THEM4: variants seen among roughly 807,000 people sequenced by gnomAD.
THEM4 encodes thioesterase superfamily member 4, also known as acyl-coenzyme A thioesterase THEM4.
In THEM4, 22 loss-of-function variants were observed where a neutral mutation model predicts 25.0. The ratio of observed to expected loss-of-function variants is 0.88; its 90% CI spans 0.63 to 1.26. THEM4 has a LOEUF of 1.26. Among genes scored for constraint, THEM4 ranks in the 50% most tolerant of loss-of-function variants. The pLI is 0.00. For missense variants in THEM4, 286 were observed against 300.3 expected (o/e 0.95, Z 0.35); for synonymous variants, 113 against 105.6 (o/e 1.07, Z -0.43).
intron 2 of THEM4, among the ~76,000 whole-genome samples, chr1:151,894,644 TTC>T (rs1442031164): frequency 6.6e-6 from 1 of 152,136 alleles, no homozygotes; most frequent in African/African-American, 2.4e-5. Context: ...AACCTGAGTG[TTC>T]TAAGCTTCTT....
rs939504183 is a variant in THEM4, at chr1:151,873,590, C to G, written c.*1298G>C. ...ATGTTGTGGTCCTAATCTCCAATAC[C>G]TCATAAGGTCACTTTATTTGGAAAT... On this transcript the variant is annotated 3_prime_UTR_variant, in exon 6 of 6. Coordinates refer to ENST00000368814, the MANE Select transcript of THEM4 (RefSeq NM_053055.5). 1 of 152,130 alleles carries G rather than the reference C, an allele frequency of 6.6e-6. No individual in the cohort carries two copies. The highest frequency in any genetic ancestry group is 2.4e-5 in the African/African-American group (1 of 41,416). The allele number at this position is 152,130 out of a possible 1,614,324, so 9.4% of individuals were successfully genotyped here. A position where few individuals can be genotyped will look rare whatever the true frequency, so the allele number is the denominator to read the frequency against.
intron 4 of THEM4, among the ~76,000 whole-genome samples, chr1:151,881,912 C>A (rs969386951): frequency 6.6e-6 from 1 of 152,118 alleles, no homozygotes; most frequent in Non-Finnish European, 1.5e-5. Context: ...CTTCAATTCT[C>A]TTTATTCTAT....
intron 1 of THEM4, 85 bp from the exon 2 acceptor site, chr1:151,895,279 T>G: frequency 1.7e-6 from 2 of 1,211,184 alleles, no homozygotes. Context: ...AAGATTATCT[T>G]GCTGCTTTTC....
At chr1:151,876,449 A>T (rs1572071338) in intron 5 of THEM4, among the ~76,000 whole-genome samples, 1 of 144,024 alleles carries the variant, frequency 6.9e-6, no homozygotes, top group East Asian at 2.0e-4. Flanking sequence ...CACTTTGTAA[A>T]TTTTTTTTTT....
intron 5 of THEM4, among the ~76,000 whole-genome samples, chr1:151,875,577 A>C (rs1225802737): frequency 6.6e-6 from 1 of 152,216 alleles, no homozygotes. Flanking sequence ...TCTATAAATC[A>C]GTAAGAAAAT....
chr1:151,909,232 T>C, intron 1 of THEM4, 128 bp downstream of exon 1: 1 of 711,628 alleles, frequency 1.4e-6, no homozygotes, highest in Non-Finnish European at 2.2e-6. Context: ...TGCTGCCCTG[T>C]GGTGCCCAGG....
intron 4 of THEM4, among the ~76,000 whole-genome samples, chr1:151,879,420 T>A (rs2101716498): frequency 6.6e-6 from 1 of 152,142 alleles, no homozygotes; most frequent in Non-Finnish European, 1.5e-5. Context: ...GTTCTTTTTT[T>A]TTTTTTAACC....
chr1:151,909,418 G>A lies in THEM4; in HGVS notation c.41C>T (p.Ala14Val), dbSNP rs755162848. Reference protein sequence around the residue: ...SCAARLRTLGALCLPPVGRRL... With the variant: ...SCAARLRTLGVLCLPPVGRRL... ...CCGGCCTACTGGCGGCAGGCACAGA[G>A]CCCCCAGCGTGCGGAGGCGCGCGGC... The change falls in exon 1 of 6, where the codon GCT (alanine) becomes GTT (valine). Residue 14 changes from alanine (A) to valine (V), a missense_variant. Ala to Val is a moderately conservative substitution (Grantham distance 64). Coordinates refer to ENST00000368814, the MANE Select transcript of THEM4 (RefSeq NM_053055.5). 2.0e-6 allele frequency: 3 copies of A among 1,486,038 alleles called. No homozygotes were observed. In the Admixed American group the frequency reaches 6.9e-5, roughly 34 times the overall value. 92.1% of individuals were successfully genotyped at this position (1,486,038 alleles called of 1,614,324 possible).
chr1:151,888,305 G>A lies in THEM4; in HGVS notation c.525C>T (p.Val175=), dbSNP rs1428361521. ...AATTGATGTTGAGATTGGCAGTCATGACGATTCCCCCAGCCATCATTGCAC... is the reference window on the plus strand; with the variant it reads ...AATTGATGTTGAGATTGGCAGTCATAACGATTCCCCCAGCCATCATTGCAC... ...GMCAMMAGGI[V]MTANLNINYK... is the part of the protein sequence containing the mutation. Residue 175 remains valine, a synonymous_variant, in exon 4 of 6, where the codon GTC becomes GTT. Coordinates refer to ENST00000368814, the MANE Select transcript of THEM4 (RefSeq NM_053055.5). The A allele has an allele frequency of 6.2e-7, 1 of 1,613,392 alleles. No homozygotes were observed. Among genetic ancestry groups the A allele is most frequent in the Non-Finnish European group, 8.5e-7 (1 of 1,179,676 alleles).
At chr1:151,901,830 C>T (rs1018715502) in intron 1 of THEM4, among the ~76,000 whole-genome samples, 8 of 151,766 alleles carry the variant, frequency 5.3e-5, no homozygotes, top group African/African-American at 1.9e-4. Flanking sequence ...GCAACAAGAG[C>T]GAAACTCTGT....
intron 1 of THEM4, among the ~76,000 whole-genome samples, chr1:151,904,222 G>A: frequency 6.6e-6 from 1 of 152,184 alleles, no homozygotes; most frequent in Non-Finnish European, 1.5e-5. Context: ...GGTGGAAAGA[G>A]AAGAGCAGCA....
intron 5 of THEM4, 113 bp downstream of exon 5, chr1:151,876,888 C>A: frequency 7.4e-7 from 1 of 1,349,328 alleles, no homozygotes; most frequent in Non-Finnish European, 1.0e-6. Context: ...CCAAACCAAA[C>A]CAAAACACCC....
Position 151,873,765 on chromosome 1 carries a change from T to G in THEM4, c.*1123A>C, listed in dbSNP as rs1653607217. ...GGAGACACACAGAGGGAATGCCATG[T>G]GAAGATGGAGGACTGGAATGATGCA... is the stretch of plus-strand genomic sequence containing the variant. On this transcript the variant is annotated 3_prime_UTR_variant, in exon 6 of 6. Coordinates refer to ENST00000368814, the MANE Select transcript of THEM4 (RefSeq NM_053055.5). 1 of 152,202 alleles carries G rather than the reference T, an allele frequency of 6.6e-6. No individual in the cohort carries two copies. Among genetic ancestry groups the G allele is most frequent in the African/African-American group, 2.4e-5 (1 of 41,414 alleles). The allele number at this position is 152,202 out of a possible 1,614,324, so 9.4% of individuals were successfully genotyped here.
chr1:151,903,568 A>G (rs972529340), intron 1 of THEM4, among the ~76,000 whole-genome samples: 1 of 152,216 alleles, frequency 6.6e-6, no homozygotes, highest in African/African-American at 2.4e-5. Context: ...TCTATTTTGG[A>G]TTATTTCCTT....
chr1:151,884,162 A>G (rs1319037836), intron 4 of THEM4, among the ~76,000 whole-genome samples: 1 of 152,028 alleles, frequency 6.6e-6, no homozygotes, highest in African/African-American at 2.4e-5. Context: ...AATTAGAAAC[A>G]CAGTGCCACA....
At position 151,909,356 on chromosome 1, in the gene THEM4, T is replaced by C. The variant is rs1654546347; in HGVS notation, c.99+4A>G. On this transcript the variant is annotated splice_donor_region_variant and intron_variant, in intron 1 of 5. Coordinates refer to ENST00000368814, the MANE Select transcript of THEM4 (RefSeq NM_053055.5). ...GCCCCATGCCCGAGGGTGCCCAGAC[T>C]CACCAGCTCGGGTCGCGGCTCGCTT... The C allele has an allele frequency of 6.6e-7, 1 of 1,512,862 alleles. No homozygotes were observed. Among genetic ancestry groups the C allele is most frequent in the Admixed American group, 2.1e-5 (1 of 48,372 alleles). 93.7% of individuals were successfully genotyped at this position (1,512,862 alleles called of 1,614,324 possible).
intron 1 of THEM4, among the ~76,000 whole-genome samples, chr1:151,906,809 G>C (rs1654478656): frequency 6.6e-6 from 1 of 152,146 alleles, no homozygotes; most frequent in Non-Finnish European, 1.5e-5. Flanking sequence ...TCTGTATCTA[G>C]CTAATCTGGT....
At chr1:151,887,349 G>A (rs946333042) in intron 4 of THEM4, among the ~76,000 whole-genome samples, 1 of 152,040 alleles carries the variant, frequency 6.6e-6, no homozygotes, top group African/African-American at 2.4e-5. Flanking sequence ...AGAATAGCTT[G>A]AACCTGGGAA....
At chr1:151,879,878 A>G (rs1421822258) in intron 4 of THEM4, among the ~76,000 whole-genome samples, 1 of 151,714 alleles carries the variant, frequency 6.6e-6, no homozygotes, top group Non-Finnish European at 1.5e-5. Context: ...GGATGGTCTC[A>G]ATCTCCTGAC....
Sources: allele counts gnomAD v4.1 joint callset (sites outside exome capture counted in the v4.1 genomes callset), GRCh38; gene constraint gnomAD v4.1.1; transcripts MANE v1.5; gene names NCBI Gene and HGNC (gene_info 2026-07-23, HGNC 2026-07-21).